VAV3: variants seen among roughly 807,000 people sequenced by gnomAD.
The protein encoded by VAV3 is guanine nucleotide exchange factor VAV3.
Under a neutral mutation model 131.2 loss-of-function variants are expected in VAV3, and 94 were observed. That is an observed-to-expected ratio of 0.72 (90% confidence interval 0.61 to 0.85). The LOEUF (loss-of-function observed/expected upper bound fraction) is 0.85. Among genes scored for constraint, VAV3 ranks in the 40% least tolerant of loss-of-function variants. The pLI is 0.00. For synonymous variants in VAV3, 349 were observed against 342.0 expected (o/e 1.02, Z -0.22); for missense variants, 939 against 1,002.7 (o/e 0.94, Z 0.86).
intron 1 of VAV3, among the ~76,000 whole-genome samples, chr1:107,908,855 ACACACAC>A (rs1181331396): frequency 6.7e-6 from 1 of 149,988 alleles, no homozygotes; most frequent in Non-Finnish European, 1.5e-5. Flanking sequence ...ACACACACAC[ACACACAC>A]ACACACACAC....
chr1:107,675,318 A>G (rs754511889), intron 19 of VAV3, among the ~76,000 whole-genome samples: 11 of 152,152 alleles, frequency 7.2e-5, no homozygotes, highest in African/African-American at 9.7e-5. Context: ...ATCTCATTTA[A>G]TCTTCATAAT....
chr1:107,799,630 T>C (rs1442402239), intron 2 of VAV3, among the ~76,000 whole-genome samples: 1 of 152,162 alleles, frequency 6.6e-6, no homozygotes, highest in Admixed American at 6.5e-5. Flanking sequence ...ATATACTTTG[T>C]AAATATCAAA....
intron 2 of VAV3, among the ~76,000 whole-genome samples, chr1:107,792,981 AATATTT>A (rs1179622644): frequency 6.6e-6 from 1 of 152,138 alleles, no homozygotes; most frequent in Non-Finnish European, 1.5e-5. Flanking sequence ...TATCAGTATA[AATATTT>A]ATATTATTTA....
intron 1 of VAV3, among the ~76,000 whole-genome samples, chr1:107,958,500 A>G (rs1165356648): frequency 6.6e-6 from 1 of 152,214 alleles, no homozygotes; most frequent in African/African-American, 2.4e-5. Flanking sequence ...TGCATCACCA[A>G]CACTAGATGT....
At chr1:107,597,226 TA>T (rs11294561) in intron 24 of VAV3, among the ~76,000 whole-genome samples, 74,210 of 137,924 alleles carry the variant, frequency 0.54, 18,946 homozygotes, top group African/African-American at 0.63. Flanking sequence ...AAATAAAAAA[TA>T]AAAAAAAAAA....
intron 19 of VAV3, among the ~76,000 whole-genome samples, chr1:107,671,784 A>AC (rs1432527273): frequency 2.6e-5 from 4 of 151,800 alleles, no homozygotes; most frequent in African/African-American, 9.7e-5. Context: ...TACCAAAAAA[A>AC]ACAAAACAAA....
In VAV3 at chr1:107,689,870, T is replaced by C. The variant is rs935464574; in HGVS notation, c.1706-1464A>G. On this transcript the variant is annotated intron_variant, in intron 17 of 26. Transcript: ENST00000370056. Reference sequence around the variant, plus strand: ...AGTCTTAGAACCCAGGTTAGGGGAATTTGGGTTCTTGACAGAACAGCTGTG... The same window carrying C: ...AGTCTTAGAACCCAGGTTAGGGGAACTTGGGTTCTTGACAGAACAGCTGTG... Among the ~76,000 whole-genome samples the C allele has an allele frequency of 1.7e-3, 261 of 152,314 alleles. 1 individual carries two copies. The highest frequency in any genetic ancestry group is 3.9e-4 in the East Asian group (2 of 5,170).
At chr1:107,753,787 T>C (rs1240668472) in intron 12 of VAV3, among the ~76,000 whole-genome samples, 1 of 151,922 alleles carries the variant, frequency 6.6e-6, no homozygotes, top group Non-Finnish European at 1.5e-5. Context: ...CTTAAACTCC[T>C]GACCTCAGGT....
intron 17 of VAV3, among the ~76,000 whole-genome samples, chr1:107,701,993 G>A (rs1037535708): frequency 2.0e-5 from 3 of 152,098 alleles, no homozygotes; most frequent in Non-Finnish European, 2.9e-5. Context: ...TTCCAAAGTC[G>A]CTTCCACATT....
chr1:107,730,018 A>G (rs960970741), intron 15 of VAV3, among the ~76,000 whole-genome samples: 29 of 152,186 alleles, frequency 1.9e-4, no homozygotes, highest in African/African-American at 6.5e-4. Context: ...CCATCGACCA[A>G]TGGAATAGTC....
At chr1:107,913,207 G>A (rs1672451715) in intron 1 of VAV3, among the ~76,000 whole-genome samples, 1 of 152,136 alleles carries the variant, frequency 6.6e-6, no homozygotes, top group South Asian at 2.1e-4. Flanking sequence ...TCTGGCATCA[G>A]ATTATACAGA....
intron 1 of VAV3, among the ~76,000 whole-genome samples, chr1:107,892,794 C>G (rs560719042): frequency 6.6e-6 from 1 of 152,230 alleles, no homozygotes; most frequent in Non-Finnish European, 1.5e-5. Flanking sequence ...CTCTCCATGC[C>G]CTCAAGTCTG....
At chr1:107,686,263 C>A (rs1350531612) in intron 18 of VAV3, among the ~76,000 whole-genome samples, 1 of 151,970 alleles carries the variant, frequency 6.6e-6, no homozygotes, top group Non-Finnish European at 1.5e-5. Context: ...TATGGACGCC[C>A]CACGGATTCT....
chr1:107,710,741 T>C (rs1356221665), intron 15 of VAV3, among the ~76,000 whole-genome samples: 2 of 152,122 alleles, frequency 1.3e-5, no homozygotes, highest in Non-Finnish European at 2.9e-5. Context: ...GGATAGTTTA[T>C]CGCCAGGATA....
chr1:107,864,155 T>A (rs2100991514), intron 2 of VAV3, among the ~76,000 whole-genome samples: 1 of 152,280 alleles, frequency 6.6e-6, no homozygotes, highest in Non-Finnish European at 1.5e-5. Context: ...CTTTACAAAA[T>A]GCAATGTATA....
chr1:107,898,452 G>A (rs1671706224), intron 1 of VAV3, among the ~76,000 whole-genome samples: 1 of 152,184 alleles, frequency 6.6e-6, no homozygotes, highest in South Asian at 2.1e-4. Context: ...GTGGCCTTCT[G>A]AGTGAAGCAT....
intron 1 of VAV3, among the ~76,000 whole-genome samples, chr1:107,901,134 A>G (rs1036836860): frequency 2.0e-5 from 3 of 152,212 alleles, no homozygotes; most frequent in Admixed American, 6.5e-5. Context: ...GGGAAAAATA[A>G]TTTACACCAG....
At chr1:107,869,121 G>A (rs1048878443) in intron 2 of VAV3, among the ~76,000 whole-genome samples, 1 of 152,100 alleles carries the variant, frequency 6.6e-6, no homozygotes. Flanking sequence ...GGTCCCAACT[G>A]AGTGACTAAC....
intron 1 of VAV3, among the ~76,000 whole-genome samples, chr1:107,937,730 A>C (rs1393329847): frequency 1.3e-5 from 2 of 152,200 alleles, no homozygotes; most frequent in Non-Finnish European, 2.9e-5. Flanking sequence ...TAAAATTATA[A>C]ATTAAAATTC....
Sources: allele counts gnomAD v4.1 joint callset (sites outside exome capture counted in the v4.1 genomes callset), GRCh38; gene constraint gnomAD v4.1.1; transcripts MANE v1.5; gene names NCBI Gene and HGNC (gene_info 2026-07-23, HGNC 2026-07-21).